ATP11B: variants seen among roughly 807,000 people sequenced by gnomAD.
ATP11B encodes the protein phospholipid-transporting ATPase IF.
ATP11B carries 81 observed loss-of-function variants against 157.8 expected under a neutral mutation model. The observed-to-expected ratio is 0.51, with a 90% confidence interval of 0.43 to 0.62. The LOEUF is 0.62. Ranked by LOEUF, ATP11B falls within the 20% of genes least tolerant of loss-of-function variation. The pLI, the probability that ATP11B is intolerant of heterozygous loss-of-function variation, is 0.00. For missense variants in ATP11B, 1,165 were observed against 1,402.2 expected, an observed-to-expected ratio of 0.83 and a Z score of 2.70; for synonymous variants, 451 against 469.4, an observed-to-expected ratio of 0.96 and a Z score of 0.51.
chr3:182,835,921 A>C, intron 4 of ATP11B, 114 bp from the exon 5 acceptor site: 3 of 701,362 alleles, frequency 4.3e-6, no homozygotes, highest in Non-Finnish European at 2.4e-6. Flanking sequence ...AAATAGCCTC[A>C]TATGATTCTG....
intron 10 of ATP11B, among the ~76,000 whole-genome samples, chr3:182,854,752 TACACACAC>T (rs71183649): frequency 0.015 from 2,203 of 145,924 alleles, 25 homozygotes; most frequent in African/African-American, 0.028. Context: ...TGCATGTGTT[TACACACAC>T]ACACACACAC....
rs1172318361 is a variant in ATP11B at position 182,869,078 on chromosome 3, G to A, written c.1689G>A (p.Arg563=). Reference sequence around the variant, plus strand: ...GTCTTTCTTACTTTCTTTTGTTTAGGTACAAACTGCTTCATATTCTGGAAT... The same window carrying A: ...GTCTTTCTTACTTTCTTTTGTTTAGATACAAACTGCTTCATATTCTGGAAT... ...MEVKTLGKLE[R]YKLLHILEFD... Residue 563 remains arginine (R), a splice_region_variant and synonymous_variant, in exon 16 of 30, where the codon CGG becomes CGA. Coordinates refer to ENST00000323116, the MANE Select transcript of ATP11B (RefSeq NM_014616.3). 6.2e-7 allele frequency: 1 copy of A among 1,603,690 alleles called. No individual in the cohort carries two copies. The highest frequency in any genetic ancestry group is 1.7e-5 in the Admixed American group (1 of 59,152).
intron 25 of ATP11B, among the ~76,000 whole-genome samples, chr3:182,891,620 A>G (rs1479676177): frequency 3.3e-5 from 5 of 152,188 alleles, no homozygotes; most frequent in Admixed American, 3.3e-4. Context: ...TCTAATTTTT[A>G]GTAACTTTTT....
At chr3:182,848,058 C>T (rs1719671944) in intron 9 of ATP11B, among the ~76,000 whole-genome samples, 2 of 152,208 alleles carry the variant, frequency 1.3e-5, no homozygotes, top group Admixed American at 1.3e-4. Flanking sequence ...CCGATTCCAG[C>T]ATTCAGGGCT....
intron 28 of ATP11B, among the ~76,000 whole-genome samples, chr3:182,905,175 C>T (rs1471018768): frequency 6.6e-6 from 1 of 152,062 alleles, no homozygotes; most frequent in South Asian, 2.1e-4. Context: ...GTTTTTTATT[C>T]ATTAAGGACA....
intron 10 of ATP11B, among the ~76,000 whole-genome samples, chr3:182,852,415 C>T (rs752893870): frequency 4.6e-5 from 7 of 152,290 alleles, no homozygotes; most frequent in African/African-American, 9.6e-5. Context: ...ATAGATGCTA[C>T]ACATATCCAA....
intron 1 of ATP11B, among the ~76,000 whole-genome samples, chr3:182,801,053 C>T (rs1055262077): frequency 3.9e-5 from 6 of 152,146 alleles, no homozygotes; most frequent in Non-Finnish European, 8.8e-5. Flanking sequence ...CAATCCACTT[C>T]GGCCTCCCAG....
intron 28 of ATP11B, among the ~76,000 whole-genome samples, chr3:182,906,515 C>T (rs1283884953): frequency 6.6e-6 from 1 of 152,154 alleles, no homozygotes; most frequent in Non-Finnish European, 1.5e-5. Context: ...ACGATCATGG[C>T]TCACTGCAGC....
intron 19 of ATP11B, among the ~76,000 whole-genome samples, chr3:182,877,675 G>T (rs912376207): frequency 1.3e-5 from 2 of 152,154 alleles, no homozygotes; most frequent in East Asian, 3.9e-4. Flanking sequence ...GGCAGTGCGT[G>T]CAGATTCCCA....
chr3:182,859,136 T>C (rs1720640646), intron 11 of ATP11B, 26 bp from the exon 12 acceptor site: 3 of 1,541,936 alleles, frequency 1.9e-6, no homozygotes, highest in African/African-American at 2.8e-5. Flanking sequence ...TTTTTTCTTT[T>C]CAAACAATTA....
chr3:182,903,737 T>C (rs975669777), intron 28 of ATP11B, among the ~76,000 whole-genome samples: 1 of 152,322 alleles, frequency 6.6e-6, no homozygotes, highest in Admixed American at 6.5e-5. Context: ...ATTTTATCAG[T>C]AGGTGACTTT....
At chr3:182,796,759 T>C (rs1306855661) in intron 1 of ATP11B, among the ~76,000 whole-genome samples, 3 of 152,156 alleles carry the variant, frequency 2.0e-5, no homozygotes, top group Non-Finnish European at 4.4e-5. Context: ...AAATAATTAA[T>C]AGATGAGGAA....
At position 182,882,332 on chromosome 3, in the gene ATP11B, TA is replaced by T. The variant is rs1007288484; in HGVS notation, c.2509+1359del. The stretch of plus-strand genomic sequence containing the variant: ...TTCCTATACCATACATTTAAGGCTA[TA>T]AAAAAAATTACAGTATTTAAAACAG... On this transcript the variant is annotated intron_variant, in intron 21 of 29. Coordinates refer to ENST00000323116, the MANE Select transcript of ATP11B (RefSeq NM_014616.3). Among the ~76,000 whole-genome samples, 229 of 152,072 alleles carry T rather than the reference TA, an allele frequency of 1.5e-3. 1 individual carries two copies. Among genetic ancestry groups the T allele is most frequent in the African/African-American group, 5.2e-3 (214 of 41,488 alleles).
At chr3:182,872,638 T>A in intron 18 of ATP11B, 101 bp downstream of exon 18, 1 of 1,042,600 alleles carries the variant, frequency 9.6e-7, no homozygotes, top group Non-Finnish European at 1.4e-6. Context: ...TAACATCCCA[T>A]GATATATTTA....
chr3:182,900,122 C>T (rs1723850862), intron 28 of ATP11B, among the ~76,000 whole-genome samples: 1 of 152,176 alleles, frequency 6.6e-6, no homozygotes, highest in Non-Finnish European at 1.5e-5. Context: ...TAGTTCGTGT[C>T]CACAACATTT....
chr3:182,902,615 T>A (rs2108585062), intron 28 of ATP11B: 1 of 1,145,976 alleles, frequency 8.7e-7, no homozygotes, highest in African/African-American at 1.6e-5. Context: ...ATGCTAAAGG[T>A]CAATTAAACA....
At chr3:182,908,196 CTTTTTTTT>C (rs10716562) in intron 28 of ATP11B, among the ~76,000 whole-genome samples, 3 of 70,744 alleles carry the variant, frequency 4.2e-5, no homozygotes, top group Admixed American at 2.0e-4. Context: ...TTATTATTTT[CTTTTTTTT>C]TTTTTTTTTT....
chr3:182,801,818 C>T (rs1641223751), intron 1 of ATP11B, among the ~76,000 whole-genome samples: 1 of 152,116 alleles, frequency 6.6e-6, no homozygotes, highest in South Asian at 2.1e-4. Flanking sequence ...AAACTCTCCC[C>T]TTAACTCTTG....
chr3:182,901,913 T>C (rs1323520660), intron 28 of ATP11B, among the ~76,000 whole-genome samples: 1 of 152,186 alleles, frequency 6.6e-6, no homozygotes, highest in African/African-American at 2.4e-5. Flanking sequence ...ATAGTCTTCC[T>C]TCTTGGCTCA....
Sources: allele counts gnomAD v4.1 joint callset (sites outside exome capture counted in the v4.1 genomes callset), GRCh38; gene constraint gnomAD v4.1.1; transcripts MANE v1.5; gene names NCBI Gene and HGNC (gene_info 2026-07-23, HGNC 2026-07-21).